Variants in ZNF680 observed in about 807,000 individuals in gnomAD.
ZNF680 encodes zinc finger protein 680.
A neutral mutation model predicts 12.1 loss-of-function variants in ZNF680; 6 were observed. The ratio of observed to expected loss-of-function variants is 0.49; its 90% confidence interval spans 0.27 to 0.98. The LOEUF is 0.98. Ranked by LOEUF, ZNF680 falls within the 50% of genes least tolerant of loss-of-function variation. The pLI, the probability that ZNF680 is intolerant of heterozygous loss-of-function variation, is 0.12. For missense variants in ZNF680, 561 were observed against 616.3 expected, an observed-to-expected ratio of 0.91 and a Z score of 0.95; for synonymous variants, 170 against 199.3, an observed-to-expected ratio of 0.85 and a Z score of 1.24.
the ZNF680 span, among the ~76,000 whole-genome samples, chr7:64,507,824 AACACACAC>A: frequency 0.035 from 4,712 of 136,380 alleles, 121 homozygotes; most frequent in East Asian, 0.098. Context: ...AATTCCAGGA[AACACACAC>A]ACACACACAC....
intron 1 of ZNF680, among the ~76,000 whole-genome samples, chr7:64,562,344 T>G (rs576495630): frequency 6.6e-6 from 1 of 152,306 alleles, no homozygotes; most frequent in African/African-American, 2.4e-5. Context: ...ACCCTCCGAT[T>G]ACATAACCAG....
chr7:64,544,871 T>G (rs940908091), intron 1 of ZNF680, among the ~76,000 whole-genome samples: 1 of 152,150 alleles, frequency 6.6e-6, no homozygotes, highest in Non-Finnish European at 1.5e-5. Context: ...AAATCTGGAA[T>G]AAAGTTTGAA....
At chr7:64,516,891 CA>C (rs1456518556), downstream of ZNF680, among the ~76,000 whole-genome samples, 7 of 151,872 alleles carry the variant, frequency 4.6e-5, no homozygotes, top group Non-Finnish European at 8.8e-5. Context: ...AAAATCAAGA[CA>C]AAAAATATTT....
intron 1 of ZNF680, among the ~76,000 whole-genome samples, chr7:64,553,737 C>T (rs901484809): frequency 3.3e-5 from 5 of 150,320 alleles, no homozygotes; most frequent in African/African-American, 4.8e-5. Flanking sequence ...AGGCGCGCGC[C>T]GCCACGCCAG....
At chr7:64,549,801 T>C (rs1225594413) in intron 1 of ZNF680, among the ~76,000 whole-genome samples, 1 of 151,852 alleles carries the variant, frequency 6.6e-6, no homozygotes, top group Admixed American at 6.6e-5. Flanking sequence ...GCCAACATAG[T>C]GAAACCCCAT....
the ZNF680 span, among the ~76,000 whole-genome samples, chr7:64,512,611 T>A: frequency 8.5e-5 from 13 of 152,078 alleles, no homozygotes; most frequent in Admixed American, 7.2e-4. Flanking sequence ...AAATCTCATT[T>A]AAAAAAAATT....
chr7:64,523,224 C>A (rs11763268), intron 3 of ZNF680, among the ~76,000 whole-genome samples: 34,255 of 151,750 alleles, frequency 0.23, 4,044 homozygotes, highest in South Asian at 0.29. Context: ...CAACATAAAA[C>A]GAAATAATTA....
the ZNF680 span, among the ~76,000 whole-genome samples, chr7:64,503,378 C>CT: frequency 0.035 from 3,129 of 89,576 alleles, 63 homozygotes; most frequent in Non-Finnish European, 0.04. Context: ...AACTGGAAGG[C>CT]TTTTTTTTTT....
Position 64,520,926 on chromosome 7 carries a change from T to G in ZNF680, c.*235A>C. The G allele has an allele frequency of 2.4e-6, 1 of 421,362 alleles. No homozygotes were observed. The highest frequency in any genetic ancestry group is 4.2e-5 in the East Asian group (1 of 23,622). The allele number at this position is 421,362 out of a possible 1,614,324, so 26.1% of individuals were successfully genotyped here. A position where few individuals can be genotyped will look rare whatever the true frequency, so the allele number is the denominator to read the frequency against. ...TGAGTAAGATGTGAAAAGATATCAA[T>G]GACTTTTTCACATTCTTTATACTTG... On this transcript the variant is annotated 3_prime_UTR_variant, in exon 4 of 4. Transcript: ENST00000309683.
chr7:64,557,496 A>G (rs1368928147), intron 1 of ZNF680, among the ~76,000 whole-genome samples: 1 of 152,070 alleles, frequency 6.6e-6, no homozygotes, highest in African/African-American at 2.4e-5. Context: ...CAGAGGTTGC[A>G]GTGAGCCAAG....
the ZNF680 span, chr7:64,500,932 C>A: frequency 2.4e-5 from 15 of 630,356 alleles, no homozygotes; most frequent in Admixed American, 2.3e-4. Flanking sequence ...TGGAGGCAAT[C>A]TTTTCGATGT....
At chr7:64,550,874 A>G (rs1440843547) in intron 1 of ZNF680, among the ~76,000 whole-genome samples, 1 of 152,208 alleles carries the variant, frequency 6.6e-6, no homozygotes, top group Non-Finnish European at 1.5e-5. Flanking sequence ...TTATATGTTT[A>G]TGTCATGTCT....
chr7:64,532,388 TA>T (rs1785935138), intron 3 of ZNF680, among the ~76,000 whole-genome samples: 1 of 151,736 alleles, frequency 6.6e-6, no homozygotes, highest in Admixed American at 6.6e-5. Context: ...GATACCACAT[TA>T]ATACAAAAGA....
chr7:64,504,075 TTAAA>T, the ZNF680 span, among the ~76,000 whole-genome samples: 1 of 152,350 alleles, frequency 6.6e-6, no homozygotes, highest in Non-Finnish European at 1.5e-5. Context: ...AAATATTATT[TTAAA>T]TAAGAATATT....
intron 1 of ZNF680, among the ~76,000 whole-genome samples, chr7:64,554,319 G>A (rs1353539250): frequency 2.0e-5 from 3 of 151,994 alleles, no homozygotes; most frequent in African/African-American, 4.8e-5. Flanking sequence ...CGGCCACCCA[G>A]TCTGGGAAGT....
chr7:64,499,224 AC>A, the ZNF680 span, among the ~76,000 whole-genome samples: 41 of 152,298 alleles, frequency 2.7e-4, no homozygotes, highest in African/African-American at 9.4e-4. Context: ...CTATATTCAG[AC>A]AAGGCTTTCA....
At chr7:64,511,193 G>A in the ZNF680 span, among the ~76,000 whole-genome samples, 5 of 151,428 alleles carry the variant, frequency 3.3e-5, no homozygotes, top group East Asian at 2.0e-4. Flanking sequence ...TTGCTGAAAC[G>A]CAGGAGGCAG....
intron 1 of ZNF680, among the ~76,000 whole-genome samples, chr7:64,560,080 C>T (rs770246371): frequency 1.1e-4 from 17 of 150,892 alleles, no homozygotes; most frequent in Non-Finnish European, 2.4e-4. Context: ...TTACCTACCA[C>T]ATTTTCTGGT....
Position 64,521,546 on chromosome 7 carries a change from T to A in ZNF680, c.1208A>T (p.Glu403Val), listed in dbSNP as rs776127032. The A allele has an allele frequency of 6.2e-7, 1 of 1,613,274 alleles. No individual in the cohort carries two copies. Among genetic ancestry groups the A allele is most frequent in the Admixed American group, 1.7e-5 (1 of 60,006 alleles). The stretch of plus-strand genomic sequence containing the variant: ...ACATTCTTCACATTTGTAGGGTTTC[T>A]CTCCAGTATGAATTCTCATATGTTC... The part of the protein sequence containing the change: ...LTEHMRIHTG[E>V]KPYKCEECGK... Residue 403 changes from glutamate to valine, a missense_variant, in exon 4 of 4, where the codon GAG (glutamate) becomes GTG (valine). Glu to Val is a moderately radical substitution (Grantham distance 121, BLOSUM62 -2). Transcript: ENST00000309683.
Sources: allele counts gnomAD v4.1 joint callset (sites outside exome capture counted in the v4.1 genomes callset), GRCh38; gene constraint gnomAD v4.1.1; transcripts MANE v1.5; gene names NCBI Gene and HGNC (gene_info 2026-07-23, HGNC 2026-07-21).